Variants in TAFA5 observed in about 807,000 individuals in gnomAD.
The protein encoded by TAFA5 is TAFA chemokine like family member 5.
Under a neutral mutation model 15.3 loss-of-function variants are expected in TAFA5, and 6 were observed. The ratio of observed to expected loss-of-function variants is 0.39; its 90% CI spans 0.21 to 0.77. The LOEUF is 0.77. Among genes scored for constraint, TAFA5 ranks in the 30% least tolerant of loss-of-function variants. The pLI is 0.41. For missense variants in TAFA5, 161 were observed against 193.1 expected (o/e 0.83, Z 0.98); for synonymous variants, 103 against 80.7 (o/e 1.28, Z -1.48).
At chr22:48,590,425 G>GTGTATCA (rs1924524299) in intron 1 of TAFA5, among the ~76,000 whole-genome samples, 1 of 152,218 alleles carries the variant, frequency 6.6e-6, no homozygotes, top group African/African-American at 2.4e-5. Context: ...CAAAGGCGCT[G>GTGTATCA]GCTTTCCATT....
intron 3 of TAFA5, among the ~76,000 whole-genome samples, chr22:48,708,494 C>T (rs541321751): frequency 1.3e-5 from 2 of 152,188 alleles, no homozygotes; most frequent in Non-Finnish European, 2.9e-5. Context: ...TTTCTGAAGG[C>T]GGCGCCTCCA....
At position 48,749,939 on chromosome 22, in the gene TAFA5, C is replaced by A; in HGVS notation, c.*92C>A. On this transcript the variant is annotated 3_prime_UTR_variant, in exon 4 of 4. Coordinates refer to ENST00000402357, the MANE Select transcript of TAFA5 (RefSeq NM_001082967.3). ...AGTTCTCCACTCGCCTCGGACTTCACCCGTTCTCTGCCGCCCGCCCACTCC... is the reference window on the plus strand; with the variant it reads ...AGTTCTCCACTCGCCTCGGACTTCAACCGTTCTCTGCCGCCCGCCCACTCC... The A allele has an allele frequency of 8.0e-7, 1 of 1,256,460 alleles. No homozygotes were observed. The highest frequency in any genetic ancestry group is 1.1e-6 in the Non-Finnish European group (1 of 885,980). The allele number at this position is 1,256,460 out of a possible 1,614,324, so 77.8% of individuals were successfully genotyped here.
rs1274719973 is a variant in TAFA5, at chr22:48,619,343, T to C, written c.113-27254T>C. 2.0e-5 allele frequency among the ~76,000 whole-genome samples: 3 copies of C among 151,268 alleles called. No homozygotes were observed. In the East Asian group the frequency reaches 5.8e-4, roughly 29 times the overall value. The stretch of plus-strand genomic sequence containing the variant: ...GTGTGGGTGAAGGCACATGGACCAG[T>C]GATTGATTAATTGATTGACTGATTG... On this transcript the variant is annotated intron_variant, in intron 1 of 3. Coordinates refer to ENST00000402357, the MANE Select transcript of TAFA5 (RefSeq NM_001082967.3).
intron 3 of TAFA5, among the ~76,000 whole-genome samples, chr22:48,709,575 G>A (rs575379085): frequency 1.4e-4 from 22 of 152,334 alleles, no homozygotes; most frequent in South Asian, 6.2e-4. Flanking sequence ...GGGTGTGAAA[G>A]CCACTCTGGG....
chr22:48,507,796 C>T, intron 1 of TAFA5, among the ~76,000 whole-genome samples: 1 of 152,158 alleles, frequency 6.6e-6, no homozygotes, highest in Non-Finnish European at 1.5e-5. Flanking sequence ...TGCCTGGGAG[C>T]TGTCGGGATG....
chr22:48,596,835 G>T (rs1924782198), intron 1 of TAFA5, among the ~76,000 whole-genome samples: 1 of 152,058 alleles, frequency 6.6e-6, no homozygotes, highest in Non-Finnish European at 1.5e-5. Context: ...TTGAGACAGG[G>T]TCTCCTTCTG....
At position 48,652,131 on chromosome 22, in the gene TAFA5, A is replaced by G. The variant is rs529273418; in HGVS notation, c.262+5385A>G. 1.1e-4 allele frequency among the ~76,000 whole-genome samples: 17 copies of G among 152,374 alleles called. No individual in the cohort carries two copies. The East Asian group carries it at 3.1e-3, about 28-fold the overall frequency. On this transcript the variant is annotated intron_variant, in intron 2 of 3. Coordinates refer to ENST00000402357, the MANE Select transcript of TAFA5 (RefSeq NM_001082967.3). ...GCGTCATCTCCACCTCGAGGCGCCA[A>G]CGGGGCCCCCAGGGCCAGCTGAAGG...
At chr22:48,702,866 G>A (rs1164351177) in intron 2 of TAFA5, among the ~76,000 whole-genome samples, 1 of 152,234 alleles carries the variant, frequency 6.6e-6, no homozygotes, top group Non-Finnish European at 1.5e-5. Flanking sequence ...AAGTGGGCTG[G>A]GGTGGGTGAG....
intron 2 of TAFA5, among the ~76,000 whole-genome samples, chr22:48,701,747 C>T (rs1422207178): frequency 6.6e-6 from 1 of 152,220 alleles, no homozygotes; most frequent in Non-Finnish European, 1.5e-5. Flanking sequence ...GGTCACCAGG[C>T]CTGCTCCTCT....
intron 1 of TAFA5, among the ~76,000 whole-genome samples, chr22:48,587,461 G>T (rs891284897): frequency 3.9e-5 from 6 of 152,162 alleles, no homozygotes; most frequent in African/African-American, 1.2e-4. Flanking sequence ...CAGGCGGGTC[G>T]GGGTGGGCTG....
intron 1 of TAFA5, among the ~76,000 whole-genome samples, chr22:48,590,592 C>T (rs945916599): frequency 5.3e-5 from 8 of 151,984 alleles, no homozygotes; most frequent in East Asian, 1.9e-4. Flanking sequence ...GAGCCTGGGC[C>T]GAGCTGACCA....
At chr22:48,574,369 C>T (rs1015300888) in intron 1 of TAFA5, among the ~76,000 whole-genome samples, 10 of 152,142 alleles carry the variant, frequency 6.6e-5, no homozygotes, top group South Asian at 2.1e-4. Context: ...CTGGGCACCG[C>T]GAGCCAGGTC....
intron 1 of TAFA5, among the ~76,000 whole-genome samples, chr22:48,593,578 C>T (rs1924653554): frequency 6.6e-6 from 1 of 152,138 alleles, no homozygotes; most frequent in South Asian, 2.1e-4. Context: ...GAAACATCCC[C>T]TTGGCCCAGC....
At chr22:48,610,571 A>T (rs147237589) in intron 1 of TAFA5, among the ~76,000 whole-genome samples, 24 of 87,468 alleles carry the variant, frequency 2.7e-4, no homozygotes, top group East Asian at 2.5e-3. Context: ...CGGGACCACC[A>T]GGAGGGCTTT....
intron 2 of TAFA5, among the ~76,000 whole-genome samples, chr22:48,657,810 C>T (rs1338649347): frequency 1.3e-5 from 2 of 152,072 alleles, no homozygotes; most frequent in African/African-American, 2.4e-5. Flanking sequence ...CAGGGAGACC[C>T]GATGATGAAC....
chr22:48,692,847 G>A (rs565041738), intron 2 of TAFA5, among the ~76,000 whole-genome samples: 3 of 152,330 alleles, frequency 2.0e-5, no homozygotes, highest in East Asian at 1.9e-4. Flanking sequence ...CTCAGGCCCC[G>A]TTGGGCCCAG....
chr22:48,507,222 G>A (rs550434696), intron 1 of TAFA5, among the ~76,000 whole-genome samples: 101 of 125,716 alleles, frequency 8.0e-4, no homozygotes, highest in Non-Finnish European at 1.1e-3. Context: ...TGCAGTTGGA[G>A]GAGAAGGAGA....
intron 1 of TAFA5, among the ~76,000 whole-genome samples, chr22:48,583,610 C>CACATG (rs1924185593): frequency 6.7e-6 from 1 of 149,464 alleles, no homozygotes; most frequent in Non-Finnish European, 1.5e-5. Flanking sequence ...ACACACCACA[C>CACATG]CCCACACACG....
chr22:48,531,192 G>A (rs1921959427), intron 1 of TAFA5, among the ~76,000 whole-genome samples: 1 of 152,136 alleles, frequency 6.6e-6, no homozygotes, highest in Non-Finnish European at 1.5e-5. Flanking sequence ...GCGGCCCCTG[G>A]CCAACCCTTT....
Sources: allele counts gnomAD v4.1 joint callset (sites outside exome capture counted in the v4.1 genomes callset), GRCh38; gene constraint gnomAD v4.1.1; transcripts MANE v1.5; gene names NCBI Gene and HGNC (gene_info 2026-07-23, HGNC 2026-07-21).